The following UNC13A variants were observed in gnomAD, a reference collection of about 807,000 sequenced individuals.
The protein encoded by UNC13A is protein unc-13 homolog A.
UNC13A carries 61 observed loss-of-function variants against 219.7 expected under a neutral mutation model. The ratio of observed to expected loss-of-function variants is 0.28; its 90% confidence interval spans 0.23 to 0.34. The LOEUF is 0.34. Among genes scored for constraint, UNC13A ranks in the 10% least tolerant of loss-of-function variants. UNC13A has a pLI of 1.00. For synonymous variants in UNC13A, 920 were observed against 884.6 expected, an observed-to-expected ratio of 1.04 and a Z score of -0.71; for missense variants, 1,476 against 2,270.3, an observed-to-expected ratio of 0.65 and a Z score of 7.11.
At chr19:17,668,449 C>T (rs183279753) in intron 5 of UNC13A, among the ~76,000 whole-genome samples, 4 of 152,170 alleles carry the variant, frequency 2.6e-5, no homozygotes, top group South Asian at 2.1e-4. Flanking sequence ...CTAGCCTTTA[C>T]GAGGGTGGGG....
At chr19:17,623,485 C>T in intron 36 of UNC13A, 57 bp downstream of exon 36, 1 of 1,469,844 alleles carries the variant, frequency 6.8e-7, no homozygotes, top group Non-Finnish European at 9.1e-7. Context: ...ACGCGGTGGG[C>T]CGAGTCCAGA....
At chr19:17,611,896 C>T in intron 41 of UNC13A, 41 bp from the exon 42 acceptor site, 6 of 1,579,014 alleles carry the variant, frequency 3.8e-6, no homozygotes, top group Non-Finnish European at 5.2e-6. Flanking sequence ...GAGCTCTGTT[C>T]TTTCCCACCC....
In UNC13A at chr19:17,674,530, G is replaced by C. The variant is rs1293743792; in HGVS notation, c.152+127C>G. On this transcript the variant is annotated intron_variant, in intron 3 of 43. Transcript: ENST00000519716. The surrounding 1 kb of genome is among the most constrained non-coding windows in gnomAD (Gnocchi z 5.0). ...TTTTGGAGGTGAAGGTGATAAGGTG[G>C]ACAGGGGAAGAGGGAGGACAGAGGG... 3.4e-5 allele frequency: 25 copies of C among 735,860 alleles called. No individual in the cohort carries two copies. Among genetic ancestry groups the C allele is most frequent in the South Asian group, 2.9e-4 (18 of 61,314 alleles). The allele number at this position is 735,860 out of a possible 1,614,324, so 45.6% of individuals were successfully genotyped here.
chr19:17,612,590 G>A (rs1046028796), intron 41 of UNC13A, among the ~76,000 whole-genome samples: 1 of 152,158 alleles, frequency 6.6e-6, no homozygotes, highest in African/African-American at 2.4e-5. Flanking sequence ...GCTCACAGCT[G>A]TAATCCCAGC....
rs771833682 is a variant in UNC13A, at chr19:17,611,742, C to A, written c.4651+21G>T. ...TTCTGTTTTAGAACCTAGCAAGTCC[C>A]TCCCACCTCAGACCACTCACCTTTC... On this transcript the variant is annotated intron_variant, in intron 42 of 43. Coordinates refer to ENST00000519716, the MANE Select transcript of UNC13A (RefSeq NM_001080421.3). 3.1e-6 allele frequency: 5 copies of A among 1,610,030 alleles called. No individual in the cohort carries two copies. The South Asian group carries it at 5.5e-5, about 18-fold the overall frequency.
In UNC13A at chr19:17,637,303, T is replaced by G. The variant is rs1205859451; in HGVS notation, c.3082-1146A>C. Among the ~76,000 whole-genome samples, 6 of 150,772 alleles carry G rather than the reference T, an allele frequency of 4.0e-5. No individual in the cohort carries two copies. In the East Asian group the frequency reaches 1.2e-3, roughly 30 times the overall value. Reference sequence around the variant, plus strand: ...CTCACTAATTTGTCAAGAACAATTTTTTTTTTTTTTTTGAGACGGAGTCTC... The same window carrying G: ...CTCACTAATTTGTCAAGAACAATTTGTTTTTTTTTTTTGAGACGGAGTCTC... On this transcript the variant is annotated intron_variant, in intron 25 of 43. Coordinates refer to ENST00000519716, the MANE Select transcript of UNC13A (RefSeq NM_001080421.3).
chr19:17,635,917 T>A, intron 26 of UNC13A, 107 bp downstream of exon 26: 1 of 1,373,276 alleles, frequency 7.3e-7, no homozygotes, highest in Non-Finnish European at 9.9e-7. Context: ...TACCCCCAGG[T>A]GCACATTTGT....
Position 17,618,451 on chromosome 19 carries a change from C to T in UNC13A, c.4380G>A (p.Ala1460=), listed in dbSNP as rs547114726. The change falls in exon 40 of 44, where the codon GCG becomes GCA. Residue 1460 remains alanine, a synonymous_variant. Transcript: ENST00000519716. ...TGGTGTCCAGGGCCAACTCAACAAC[C>T]GCGCACTGCTTTGGGGTCAAGCTCT... ...EAKSLTPKQC[A]VVELALDTIK... is the part of the protein sequence containing the mutation. 9.5e-5 allele frequency: 151 copies of T among 1,591,030 alleles called. No homozygotes were observed. The East Asian group carries it at 1.6e-3, about 17-fold the overall frequency.
intron 28 of UNC13A, among the ~76,000 whole-genome samples, chr19:17,631,861 C>T (rs1162130523): frequency 3.3e-5 from 5 of 152,242 alleles, no homozygotes; most frequent in Non-Finnish European, 2.9e-5. Context: ...CCTCCTGCTT[C>T]GGCCTCCCGA....
chr19:17,664,250 T>A (rs1197376556), intron 7 of UNC13A, among the ~76,000 whole-genome samples: 2 of 152,160 alleles, frequency 1.3e-5, no homozygotes, highest in Non-Finnish European at 2.9e-5. Context: ...AAAGACACAC[T>A]AAATTGGAAA....
rs1258133315 is a variant in UNC13A, at chr19:17,611,861, C to A, written c.4559-6G>T. The A allele has an allele frequency of 1.2e-6, 2 of 1,613,514 alleles. No homozygotes were observed. Among genetic ancestry groups the A allele is most frequent in the East Asian group, 2.2e-5 (1 of 44,860 alleles). ...AGGGTCTTCTACACCCAAGCCTGGG[C>A]AGGGCAGGGGAGGATGGTCAGCGTG... is the stretch of plus-strand genomic sequence containing the variant. On this transcript the variant is annotated splice_polypyrimidine_tract_variant and splice_region_variant and intron_variant, in intron 41 of 43. Coordinates refer to ENST00000519716, the MANE Select transcript of UNC13A (RefSeq NM_001080421.3).
chr19:17,625,169 C>T (rs941689118), intron 34 of UNC13A, among the ~76,000 whole-genome samples: 2 of 152,038 alleles, frequency 1.3e-5, no homozygotes, highest in African/African-American at 4.8e-5. Flanking sequence ...TGGGAAGGGG[C>T]CCCAATGTCT....
rs75669002 is a variant in UNC13A, at chr19:17,603,800, T to G, written c.*2254A>C. 1 of 105,414 alleles carries G rather than the reference T, an allele frequency of 9.5e-6. No individual in the cohort carries two copies. The highest frequency in any genetic ancestry group is 2.6e-5 in the Non-Finnish European group (1 of 38,508). The allele number at this position is 105,414 out of a possible 1,614,324, so 6.5% of individuals were successfully genotyped here. A position where few individuals can be genotyped will look rare whatever the true frequency, so the allele number is the denominator to read the frequency against. ...CTAGAGCTCATCTAAGGGCAGGATT[T>G]TTTTTTTTTTTTGGTGGGGTAGAGG... On this transcript the variant is annotated 3_prime_UTR_variant, in exon 44 of 44. Transcript: ENST00000519716.
chr19:17,650,316 C>T (rs1434944811), intron 12 of UNC13A, among the ~76,000 whole-genome samples: 1 of 151,888 alleles, frequency 6.6e-6, no homozygotes, highest in Non-Finnish European at 1.5e-5. Flanking sequence ...GAGTTCGAGA[C>T]CAGCCTGACC....
chr19:17,656,279 C>A lies in UNC13A; in HGVS notation c.887G>T (p.Arg296Leu). 1.3e-6 allele frequency: 2 copies of A among 1,552,178 alleles called. No individual in the cohort carries two copies. The highest frequency in any genetic ancestry group is 1.7e-6 in the Non-Finnish European group (2 of 1,147,380). ...GCAGGAGTGGTAGGAGTCCCGGTCC[C>A]GCTCATCCTCCATGTCGGAGCCCTG... Reference protein sequence around the residue: ...SLQGSDMEDERDRDSYHSCHS... With the variant: ...SLQGSDMEDELDRDSYHSCHS... Residue 296 changes from arginine (R) to leucine (L), a missense_variant, in exon 10 of 44, where the codon CGG (arginine) becomes CTG (leucine). Around this residue, in one of 14 missense-constraint regions of UNC13A, gnomAD observed 351 missense variants for 342.6 expected, o/e 1.02. Transcript: ENST00000519716.
chr19:17,639,322 G>A lies in UNC13A; in HGVS notation c.2947-105C>T, dbSNP rs937859969. On this transcript the variant is annotated intron_variant, in intron 24 of 43. Coordinates refer to ENST00000519716, the MANE Select transcript of UNC13A (RefSeq NM_001080421.3). ...TTAAGGAAATGAAGTGGTATGAAAG[G>A]AAAAGGTTACTGAGAAAGGCTGCCA... is the stretch of plus-strand genomic sequence containing the variant. 3.4e-5 allele frequency: 53 copies of A among 1,575,916 alleles called. No individual in the cohort carries two copies. In the African/African-American group the frequency reaches 6.3e-4, roughly 19 times the overall value.
chr19:17,617,575 G>T, intron 41 of UNC13A, 127 bp downstream of exon 41: 1 of 1,381,428 alleles, frequency 7.2e-7, no homozygotes, highest in Non-Finnish European at 1.0e-6. Context: ...CCTGGACTTG[G>T]TGCAGAGATG....
At chr19:17,646,690 C>G (rs572931156) in intron 17 of UNC13A, among the ~76,000 whole-genome samples, 1 of 152,080 alleles carries the variant, frequency 6.6e-6, no homozygotes, top group Admixed American at 6.5e-5. Context: ...AGGGTTCCTT[C>G]CCTCCCTGAC....
intron 34 of UNC13A, 184 bp downstream of exon 34, chr19:17,626,449 A>G (rs1321170618): frequency 2.4e-5 from 14 of 588,540 alleles, no homozygotes; most frequent in Non-Finnish European, 3.4e-5. Flanking sequence ...TTACTCACCA[A>G]TCCTTCCAAT....
Sources: gnomAD v4.1 joint callset for allele counts (sites outside exome capture counted in the v4.1 genomes callset) on GRCh38, gnomAD v4.1.1 for gene constraint, gnomAD v4.1.1 regional missense constraint, Gnocchi (gnomAD v3.1) non-coding constraint, MANE v1.5 for transcripts, NCBI Gene and HGNC (gene_info 2026-07-23, HGNC 2026-07-21) for gene names.